The following PTPRG variants were observed in gnomAD, a reference collection of about 807,000 sequenced individuals.
The protein encoded by PTPRG is receptor-type tyrosine-protein phosphatase gamma.
PTPRG carries 102 observed loss-of-function variants against 165.3 expected under a neutral mutation model. The observed-to-expected ratio is 0.62, with a 90% CI of 0.53 to 0.73. The LOEUF is 0.73. Ranked by LOEUF, PTPRG falls within the 30% of genes least tolerant of loss-of-function variation. The probability of loss-of-function intolerance (pLI) is 0.00; values close to 1 mark genes in which losing one functional copy is unlikely to be tolerated. For synonymous variants in PTPRG, 675 were observed against 669.5 expected (o/e 1.01, Z -0.13); for missense variants, 1,866 against 1,861.4 (o/e 1.00, Z -0.05).
chr3:62,029,662 C>G (rs879809903), intron 4 of PTPRG, among the ~76,000 whole-genome samples: 2 of 152,164 alleles, frequency 1.3e-5, no homozygotes, highest in Admixed American at 1.3e-4. Flanking sequence ...CTCTTTTATT[C>G]CAGCCAGTCA....
intron 2 of PTPRG, among the ~76,000 whole-genome samples, chr3:61,768,391 G>A (rs2034102163): frequency 6.6e-6 from 1 of 152,204 alleles, no homozygotes; most frequent in African/African-American, 2.4e-5. Context: ...GCCTCTGGGA[G>A]TAGAGTTTCT....
chr3:62,156,269 C>T (rs185029740), intron 6 of PTPRG, among the ~76,000 whole-genome samples: 20 of 152,268 alleles, frequency 1.3e-4, no homozygotes, highest in Admixed American at 3.3e-4. Context: ...GTGGAGTCTT[C>T]GGTGTCAAGA....
chr3:62,130,985 C>T (rs1178276249), intron 5 of PTPRG, among the ~76,000 whole-genome samples: 7 of 151,924 alleles, frequency 4.6e-5, no homozygotes, highest in Non-Finnish European at 5.9e-5. Context: ...GCAAATTCCA[C>T]ATATTTTATT....
At chr3:62,251,800 A>G (rs1223231441) in intron 15 of PTPRG, among the ~76,000 whole-genome samples, 6 of 152,214 alleles carry the variant, frequency 3.9e-5, no homozygotes, top group South Asian at 2.1e-4. Context: ...TTTGGGTTCA[A>G]TGGACCTGGG....
chr3:62,109,595 G>T (rs985415419), intron 5 of PTPRG, among the ~76,000 whole-genome samples: 5 of 152,112 alleles, frequency 3.3e-5, no homozygotes, highest in Admixed American at 2.6e-4. Flanking sequence ...AATAGCTGGT[G>T]CAGCAGTGGG....
intron 5 of PTPRG, among the ~76,000 whole-genome samples, chr3:62,096,826 A>G (rs1432827187): frequency 6.6e-6 from 1 of 152,230 alleles, no homozygotes; most frequent in Admixed American, 6.5e-5. Context: ...AAAAGAACAA[A>G]TTAGGTGGAT....
intron 1 of PTPRG, among the ~76,000 whole-genome samples, chr3:61,609,787 A>C (rs1701117175): frequency 6.6e-6 from 1 of 152,074 alleles, no homozygotes. Flanking sequence ...TGAGTCTAGG[A>C]AGCCCAGGTT....
chr3:62,099,793 C>CTTT lies in PTPRG; in HGVS notation c.615+21556_615+21558dup, dbSNP rs759385441. Among the ~76,000 whole-genome samples the CTTT allele has an allele frequency of 2.1e-3, 190 of 90,720 alleles. 3 individuals carry two copies. Among genetic ancestry groups the CTTT allele is most frequent in the East Asian group, 7.4e-3 (22 of 2,962 alleles). The allele number at this position is 90,720 out of a possible 152,430, so 59.5% of individuals were successfully genotyped here. Reference sequence around the variant, plus strand: ...TAGTCATAGTACTTAAGTGTTAAATCTTTTTTTTTTTTTTTTTTTTTTTGA... The same window carrying CTTT: ...TAGTCATAGTACTTAAGTGTTAAATCTTTTTTTTTTTTTTTTTTTTTTTTTTGA... On this transcript the variant is annotated intron_variant, in intron 5 of 29. Coordinates refer to ENST00000474889, the MANE Select transcript of PTPRG (RefSeq NM_002841.4).
rs1401688421 is a variant in PTPRG at position 62,195,545 on chromosome 3, CA to C, written c.1327+380del. On this transcript the variant is annotated intron_variant, in intron 10 of 29. Coordinates refer to ENST00000474889, the MANE Select transcript of PTPRG (RefSeq NM_002841.4). This position sits in a 1 kb window ranked among gnomAD's most constrained non-coding sequence, Gnocchi z 4.4. ...AACGTGATTCAGTTAGCTGTTCTCT[CA>C]AAAACTGCAGCCCATAGCAGCTACA... 6.6e-6 allele frequency among the ~76,000 whole-genome samples: 1 copy of C among 152,100 alleles called. No homozygotes were observed.
At chr3:62,279,056 T>A (rs891249833) in intron 26 of PTPRG, among the ~76,000 whole-genome samples, 1 of 152,000 alleles carries the variant, frequency 6.6e-6, no homozygotes, top group African/African-American at 2.4e-5. Flanking sequence ...GAAGGCTAGA[T>A]TAGAATCATA....
At chr3:62,122,542 G>A (rs976253754) in intron 5 of PTPRG, among the ~76,000 whole-genome samples, 1 of 152,182 alleles carries the variant, frequency 6.6e-6, no homozygotes, top group African/African-American at 2.4e-5. Context: ...ATATGAAACA[G>A]CAGCACCCAC....
At chr3:61,992,209 C>G (rs1446385210) in intron 3 of PTPRG, among the ~76,000 whole-genome samples, 1 of 151,626 alleles carries the variant, frequency 6.6e-6, no homozygotes, top group Non-Finnish European at 1.5e-5. Flanking sequence ...AAGTGACAAC[C>G]AGTTATATGC....
At chr3:61,824,605 G>GGATT (rs2036055836) in intron 2 of PTPRG, among the ~76,000 whole-genome samples, 1 of 152,182 alleles carries the variant, frequency 6.6e-6, no homozygotes, top group South Asian at 2.1e-4. Context: ...CAAAGCAGGA[G>GGATT]GATTGCCTGA....
chr3:61,980,040 T>C (rs2040603684), intron 2 of PTPRG, among the ~76,000 whole-genome samples: 1 of 152,188 alleles, frequency 6.6e-6, no homozygotes, highest in South Asian at 2.1e-4. Context: ...TCCCTTTTCC[T>C]ACTTGTGATT....
intron 2 of PTPRG, among the ~76,000 whole-genome samples, chr3:61,823,724 A>G (rs2036023526): frequency 6.6e-6 from 1 of 152,264 alleles, no homozygotes; most frequent in Non-Finnish European, 1.5e-5. Flanking sequence ...TTAAGTTCAC[A>G]TGGATTTATA....
intron 2 of PTPRG, among the ~76,000 whole-genome samples, chr3:61,944,607 T>G (rs762586772): frequency 6.6e-6 from 1 of 152,176 alleles, no homozygotes; most frequent in African/African-American, 2.4e-5. Context: ...ATAATCTGTT[T>G]GTGAGTTCGA....
At chr3:62,176,323 C>G (rs1705421961) in intron 8 of PTPRG, among the ~76,000 whole-genome samples, 1 of 152,110 alleles carries the variant, frequency 6.6e-6, no homozygotes, top group Admixed American at 6.5e-5. Flanking sequence ...AGTGAGGTGT[C>G]TAACGTTCAG....
intron 28 of PTPRG, 75 bp from the exon 29 acceptor site, chr3:62,292,346 A>G: frequency 6.9e-7 from 1 of 1,443,378 alleles, no homozygotes; most frequent in East Asian, 2.3e-5. Context: ...ATGAAAATAC[A>G]TGACAGTAAT....
intron 1 of PTPRG, among the ~76,000 whole-genome samples, chr3:61,729,762 A>ATTTTTATTTTCTTGTTTATGCTTT (rs781111060): frequency 1.3e-5 from 2 of 152,054 alleles, no homozygotes; most frequent in Non-Finnish European, 2.9e-5. Flanking sequence ...GGTTATGGTT[A>ATTTTTATTTTCTTGTTTATGCTTT]TTTTTATTTT....
Sources: gnomAD v4.1 joint callset for allele counts (sites outside exome capture counted in the v4.1 genomes callset) on GRCh38, gnomAD v4.1.1 for gene constraint, Gnocchi (gnomAD v3.1) non-coding constraint, MANE v1.5 for transcripts, NCBI Gene and HGNC (gene_info 2026-07-23, HGNC 2026-07-21) for gene names.